Variants in TAB2 observed in about 807,000 individuals in gnomAD.
TAB2 encodes TGF-beta activated kinase 1 (MAP3K7) binding protein 2, also known as TGF-beta-activated kinase 1 and MAP3K7-binding protein 2.
Under a neutral mutation model 65.0 loss-of-function variants are expected in TAB2, and 3 were observed. That is an observed-to-expected ratio of 0.05 (90% CI 0.02 to 0.12). The LOEUF is 0.12. Ranked by LOEUF, TAB2 falls within the 10% of genes least tolerant of loss-of-function variation. TAB2 has a pLI of 1.00. For synonymous variants in TAB2, 298 were observed against 285.1 expected, an observed-to-expected ratio of 1.05 and a Z score of -0.46; for missense variants, 623 against 840.3, an observed-to-expected ratio of 0.74 and a Z score of 3.20.
intron 1 of TAB2, among the ~76,000 whole-genome samples, chr6:149,303,024 A>C (rs950161581): frequency 6.6e-6 from 1 of 152,228 alleles, no homozygotes; most frequent in Non-Finnish European, 1.5e-5. Flanking sequence ...CTGCGCATGC[A>C]GGGGATCTAG....
At chr6:149,294,964 A>C (rs568786444) in intron 1 of TAB2, among the ~76,000 whole-genome samples, 1 of 152,356 alleles carries the variant, frequency 6.6e-6, no homozygotes, top group East Asian at 1.9e-4. Context: ...TATAACACAC[A>C]GGTAAAGAAA....
intron 1 of TAB2, among the ~76,000 whole-genome samples, chr6:149,345,683 A>G (rs930189119): frequency 2.0e-5 from 3 of 152,176 alleles, no homozygotes; most frequent in Admixed American, 6.5e-5. Context: ...TTCCTATACA[A>G]TCATATAAAA....
intron 3 of TAB2, among the ~76,000 whole-genome samples, chr6:149,390,485 T>TTA (rs1781947673): frequency 6.6e-6 from 1 of 152,238 alleles, no homozygotes; most frequent in Non-Finnish European, 1.5e-5. Context: ...AAATTTGACA[T>TTA]TATTTACAGT....
At chr6:149,319,983 A>G (rs1779382000) in intron 1 of TAB2, among the ~76,000 whole-genome samples, 1 of 152,178 alleles carries the variant, frequency 6.6e-6, no homozygotes, top group Non-Finnish European at 1.5e-5. Context: ...TTGAAATCAC[A>G]CCTATGCTTG....
Position 149,397,777 on chromosome 6 carries a change from G to C in TAB2, c.1764+13G>C. 1 of 1,612,222 alleles carries C rather than the reference G, an allele frequency of 6.2e-7. No individual in the cohort carries two copies. The highest frequency in any genetic ancestry group is 8.5e-7 in the Non-Finnish European group (1 of 1,179,904). On this transcript the variant is annotated intron_variant, in intron 4 of 6. Transcript: ENST00000637181. ...CCAGATACCTTCCGTAAGTCTTTAT[G>C]TAACTGTTGTGATCTCTGCTTGAAC...
At chr6:149,243,451 G>T (rs1472589356) in intron 1 of TAB2, 1 of 152,188 alleles carries the variant, frequency 6.6e-6, no homozygotes, top group Non-Finnish European at 1.5e-5. Context: ...AGACATCATG[G>T]TAATTTACAC....
At chr6:149,381,459 CAAGTA>C (rs935545744) in intron 3 of TAB2, among the ~76,000 whole-genome samples, 1 of 151,102 alleles carries the variant, frequency 6.6e-6, no homozygotes, top group Non-Finnish European at 1.5e-5. Flanking sequence ...GGGAAATTTT[CAAGTA>C]AAGTAGGCAT....
intron 1 of TAB2, among the ~76,000 whole-genome samples, 164 bp downstream of exon 1, chr6:149,318,179 C>T (rs1001256350): frequency 3.3e-5 from 5 of 152,092 alleles, no homozygotes; most frequent in Admixed American, 3.3e-4. Flanking sequence ...CTTTCCTTCC[C>T]CCAGTGGCGT....
rs527510557 is a variant in TAB2, at chr6:149,337,029, C to T, written c.-90+19014C>T. Among the ~76,000 whole-genome samples the T allele has an allele frequency of 2.0e-4, 30 of 151,998 alleles. No individual in the cohort carries two copies. In the South Asian group the frequency reaches 4.6e-3, roughly 23 times the overall value. The stretch of plus-strand genomic sequence containing the variant: ...GCAGACTACAGTAATATTAGCAGTA[C>T]GTATATCTTTTATTACTAATAGAAA... On this transcript the variant is annotated intron_variant, in intron 1 of 6. Coordinates refer to ENST00000637181, the MANE Select transcript of TAB2 (RefSeq NM_001292034.3).
intron 1 of TAB2, among the ~76,000 whole-genome samples, chr6:149,350,750 G>T (rs1305400768): frequency 6.6e-6 from 1 of 151,452 alleles, no homozygotes; most frequent in Admixed American, 6.6e-5. Context: ...GAGTAGCTGG[G>T]ACTACAGGCA....
Position 149,378,914 on chromosome 6 carries a change from A to G in TAB2, c.999A>G (p.Pro333=), listed in dbSNP as rs990137024. Residue 333 remains proline, a synonymous_variant, in exon 3 of 7, where the codon CCA becomes CCG. Transcript: ENST00000637181. ...AGATTGAAATCAAACTTGAACCCCC[A>G]CAAAGAAATAATTCTTCAAAACTGC... ...KNQIEIKLEP[P]QRNNSSKLRS... 5.6e-6 allele frequency: 9 copies of G among 1,614,026 alleles called. No homozygotes were observed. Among genetic ancestry groups the G allele is most frequent in the African/African-American group, 1.3e-5 (1 of 74,908 alleles).
intron 1 of TAB2, among the ~76,000 whole-genome samples, chr6:149,278,113 C>T (rs1583061405): frequency 4.6e-5 from 7 of 152,166 alleles, no homozygotes; most frequent in Admixed American, 3.9e-4. Context: ...ATTGTATTTT[C>T]TCTTACCAAT....
intron 1 of TAB2, among the ~76,000 whole-genome samples, chr6:149,222,976 A>C (rs150317188): frequency 0.011 from 1,643 of 152,320 alleles, 40 homozygotes; most frequent in African/African-American, 0.038. Flanking sequence ...CCATCTTTCT[A>C]TTAGATTGTG....
chr6:149,274,266 C>G (rs1778414743), intron 1 of TAB2, among the ~76,000 whole-genome samples: 1 of 152,238 alleles, frequency 6.6e-6, no homozygotes, highest in Non-Finnish European at 1.5e-5. Flanking sequence ...TTAAGGGATC[C>G]TGTTGCTAAA....
intron 1 of TAB2, among the ~76,000 whole-genome samples, chr6:149,366,955 ATTT>A (rs199731130): frequency 6.7e-6 from 1 of 150,294 alleles, no homozygotes; most frequent in Non-Finnish European, 1.5e-5. Flanking sequence ...TTGTGTATAA[ATTT>A]TTTTTTTTCA....
chr6:149,399,121 A>G lies in TAB2; in HGVS notation c.1876A>G (p.Ser626Gly). ...FQARGPHFNPSAIHNFYDNIG... is the reference protein window; with the variant it reads ...FQARGPHFNPGAIHNFYDNIG... ...TATTTCAGGACCACATTTTAACCCC[A>G]GCGCTATTCATAACTTTTATGACAA... Residue 626 changes from serine to glycine, a missense_variant, in exon 6 of 7, where the codon AGC (serine) becomes GGC (glycine). Physicochemically the swap from Ser to Gly is moderately conservative, Grantham distance 56 (BLOSUM62 0). Around this residue, in one of 3 missense-constraint regions of TAB2, gnomAD observed 56 missense variants for 130.3 expected, o/e 0.43. Coordinates refer to ENST00000637181, the MANE Select transcript of TAB2 (RefSeq NM_001292034.3). 6.2e-7 allele frequency: 1 copy of G among 1,613,428 alleles called. No individual in the cohort carries two copies.
At chr6:149,242,707 C>A (rs916206785) in intron 1 of TAB2, among the ~76,000 whole-genome samples, 8 of 152,204 alleles carry the variant, frequency 5.3e-5, no homozygotes, top group African/African-American at 1.9e-4. Flanking sequence ...AAGATAGCCT[C>A]TGGTTCGGGA....
At chr6:149,371,875 TAAAA>T (rs2114863327) in intron 2 of TAB2, among the ~76,000 whole-genome samples, 1 of 152,124 alleles carries the variant, frequency 6.6e-6, no homozygotes, top group Non-Finnish European at 1.5e-5. Flanking sequence ...AGTCAGAAGT[TAAAA>T]GAAAGTGTGG....
intron 1 of TAB2, among the ~76,000 whole-genome samples, chr6:149,271,680 C>T (rs1260272017): frequency 6.6e-6 from 1 of 152,102 alleles, no homozygotes; most frequent in African/African-American, 2.4e-5. Flanking sequence ...CAATCATGTG[C>T]TCTGCTTAAA....
Sources: gnomAD v4.1 joint callset for allele counts (sites outside exome capture counted in the v4.1 genomes callset) on GRCh38, gnomAD v4.1.1 for gene constraint, gnomAD v4.1.1 regional missense constraint, MANE v1.5 for transcripts, NCBI Gene and HGNC (gene_info 2026-07-23, HGNC 2026-07-21) for gene names.